PSMD14: variants seen among roughly 807,000 people sequenced by gnomAD.
PSMD14 encodes ubiquitin C-terminal hydrolase PSMD14.
Under a neutral mutation model 41.2 loss-of-function variants are expected in PSMD14, and 7 were observed. The observed-to-expected ratio is 0.17, with a 90% CI of 0.10 to 0.32. PSMD14 has a LOEUF of 0.32. Among genes scored for constraint, PSMD14 ranks in the 10% least tolerant of loss-of-function variants. The pLI is 1.00. For synonymous variants in PSMD14, 114 were observed against 122.3 expected, an observed-to-expected ratio of 0.93 and a Z score of 0.45; for missense variants, 139 against 375.6, an observed-to-expected ratio of 0.37 and a Z score of 5.21.
At chr2:161,378,287 CAT>C (rs895668679) in intron 7 of PSMD14, among the ~76,000 whole-genome samples, 3 of 151,918 alleles carry the variant, frequency 2.0e-5, no homozygotes, top group Non-Finnish European at 4.4e-5. Flanking sequence ...AAATTAAATA[CAT>C]GTCAGTGCTC....
chr2:161,328,894 A>G (rs1682743248), intron 3 of PSMD14, among the ~76,000 whole-genome samples: 2 of 152,022 alleles, frequency 1.3e-5, no homozygotes, highest in Non-Finnish European at 2.9e-5. Flanking sequence ...ATAACACTAA[A>G]TAACATTAAA....
intron 7 of PSMD14, among the ~76,000 whole-genome samples, chr2:161,379,180 C>CT: frequency 6.6e-6 from 1 of 152,050 alleles, no homozygotes; most frequent in East Asian, 1.9e-4. Flanking sequence ...AGAAAGGGAT[C>CT]TGAAGTCACT....
intron 7 of PSMD14, among the ~76,000 whole-genome samples, chr2:161,380,309 T>C (rs1559051077): frequency 6.6e-6 from 1 of 152,020 alleles, no homozygotes; most frequent in Admixed American, 6.6e-5. Context: ...AAGTTTTCTG[T>C]GAAACTTTAT....
At position 161,381,261 on chromosome 2, in the gene PSMD14, A is replaced by G. The variant is rs529164297; in HGVS notation, c.463-4203A>G. 251 of 149,906 alleles carry G rather than the reference A, an allele frequency of 1.7e-3. 1 individual carries two copies. The highest frequency in any genetic ancestry group is 5.9e-3 in the African/African-American group (244 of 41,190). The allele number at this position is 149,906 out of a possible 1,614,324, so 9.3% of individuals were successfully genotyped here. ...ATATATAGGTATACATATATAATAC[A>G]TACATTATATATATAGTGAGCTGAC... is the stretch of plus-strand genomic sequence containing the variant. On this transcript the variant is annotated intron_variant, in intron 7 of 11. Transcript: ENST00000409682.
intron 3 of PSMD14, among the ~76,000 whole-genome samples, chr2:161,332,943 A>C (rs976736571): frequency 3.3e-5 from 5 of 152,322 alleles, no homozygotes; most frequent in South Asian, 4.1e-4. Flanking sequence ...GCACTTTCCC[A>C]TTAATGTAAA....
intron 8 of PSMD14, 24 bp from the exon 9 acceptor site, chr2:161,391,080 T>G: frequency 6.9e-7 from 1 of 1,441,876 alleles, no homozygotes; most frequent in South Asian, 1.6e-5. Context: ...AATTTGTCCT[T>G]TTTAAAATCA....
intron 5 of PSMD14, among the ~76,000 whole-genome samples, chr2:161,368,579 CA>C (rs1402822611): frequency 6.6e-6 from 1 of 151,748 alleles, no homozygotes; most frequent in East Asian, 1.9e-4. Flanking sequence ...AGAAAATAGC[CA>C]AAAAACAATA....
chr2:161,392,880 A>G (rs1299874263), intron 9 of PSMD14, among the ~76,000 whole-genome samples: 5 of 152,196 alleles, frequency 3.3e-5, no homozygotes, highest in Non-Finnish European at 7.3e-5. Flanking sequence ...TATCAGACTG[A>G]TATCTGACAC....
intron 7 of PSMD14, chr2:161,384,617 A>G (rs577540337): frequency 2.0e-5 from 3 of 151,880 alleles, no homozygotes; most frequent in African/African-American, 7.2e-5. Context: ...AAATTCCCTT[A>G]AAGTGGCAAT....
At chr2:161,379,126 A>G (rs556551852) in intron 7 of PSMD14, among the ~76,000 whole-genome samples, 203 of 152,084 alleles carry the variant, frequency 1.3e-3, no homozygotes, top group African/African-American at 4.6e-3. Context: ...TTTGCTTTAT[A>G]TGGAATTGGC....
chr2:161,357,006 A>G (rs1683215884), intron 3 of PSMD14, among the ~76,000 whole-genome samples: 1 of 151,084 alleles, frequency 6.6e-6, no homozygotes, highest in Non-Finnish European at 1.5e-5. Flanking sequence ...AGTGTTAACA[A>G]ATTTGTTAAA....
At chr2:161,315,604 G>A (rs1689138643) in intron 1 of PSMD14, among the ~76,000 whole-genome samples, 1 of 151,730 alleles carries the variant, frequency 6.6e-6, no homozygotes, top group South Asian at 2.1e-4. Flanking sequence ...TTTCACTATT[G>A]CATTATTTTC....
At chr2:161,311,817 G>A (rs1689091092) in intron 1 of PSMD14, among the ~76,000 whole-genome samples, 2 of 151,842 alleles carry the variant, frequency 1.3e-5, no homozygotes, top group South Asian at 4.1e-4. Context: ...GTTTCGCCAT[G>A]TTGGCCAGGC....
At chr2:161,367,649 T>C in intron 4 of PSMD14, 100 bp downstream of exon 4, 1 of 1,418,864 alleles carries the variant, frequency 7.0e-7, no homozygotes, top group Non-Finnish European at 9.6e-7. Context: ...CAGACATAAA[T>C]AAGCTATTGT....
chr2:161,364,859 T>G (rs2105254859), intron 3 of PSMD14, among the ~76,000 whole-genome samples: 1 of 152,178 alleles, frequency 6.6e-6, no homozygotes, highest in African/African-American at 2.4e-5. Context: ...ATGCTAGCAC[T>G]TTGGGAGACT....
chr2:161,320,355 A>G (rs574577786), intron 3 of PSMD14, among the ~76,000 whole-genome samples: 1 of 152,316 alleles, frequency 6.6e-6, no homozygotes, highest in East Asian at 1.9e-4. Flanking sequence ...ACTGACCACA[A>G]ATTGAGCTAC....
chr2:161,361,551 T>TA (rs1346305010), intron 3 of PSMD14, among the ~76,000 whole-genome samples: 1 of 152,104 alleles, frequency 6.6e-6, no homozygotes, highest in Non-Finnish European at 1.5e-5. Context: ...TTTATAACTC[T>TA]AACATAATGA....
At chr2:161,407,876 T>C (rs1346102752) in intron 10 of PSMD14, 1 of 152,058 alleles carries the variant, frequency 6.6e-6, no homozygotes, top group Non-Finnish European at 1.5e-5. Flanking sequence ...GAATAAATCA[T>C]AGATTAAAAG....
intron 9 of PSMD14, among the ~76,000 whole-genome samples, chr2:161,393,059 A>C (rs1464770979): frequency 6.6e-6 from 1 of 152,154 alleles, no homozygotes; most frequent in African/African-American, 2.4e-5. Context: ...TTTAGCTGTT[A>C]ACCTGCCTTC....
Sources: allele counts gnomAD v4.1 joint callset (sites outside exome capture counted in the v4.1 genomes callset), GRCh38; gene constraint gnomAD v4.1.1; transcripts MANE v1.5; gene names NCBI Gene and HGNC (gene_info 2026-07-23, HGNC 2026-07-21).